Variants in CELSR2 observed in about 807,000 individuals in gnomAD.
The protein encoded by CELSR2 is EGF-like protein 2.
A neutral mutation model predicts 251.6 loss-of-function variants in CELSR2; 81 were observed. That is an observed-to-expected ratio of 0.32 (90% confidence interval 0.27 to 0.39). The LOEUF is 0.39. CELSR2 is among the 10% of genes least tolerant of loss of function. CELSR2 has a pLI of 1.00. For missense variants in CELSR2, 3,365 were observed against 3,947.7 expected (o/e 0.85, Z 3.96); for synonymous variants, 1,721 against 1,670.5 (o/e 1.03, Z -0.74).
chr1:109,270,676 T>C, intron 24 of CELSR2, 76 bp downstream of exon 24: 1 of 1,538,634 alleles, frequency 6.5e-7, no homozygotes, highest in South Asian at 1.2e-5. Context: ...TCCACCCACA[T>C]ACAGGCCCTG....
In CELSR2 at chr1:109,251,368, G is replaced by C. The variant is rs926059478; in HGVS notation, c.1289G>C (p.Ser430Thr). 1.4e-5 allele frequency: 22 copies of C among 1,613,984 alleles called. No homozygotes were observed. Among genetic ancestry groups the C allele is most frequent in the Non-Finnish European group, 1.8e-5 (21 of 1,180,040 alleles). Residue 430 changes from serine (S) to threonine (T), a missense_variant, in exon 1 of 34, where the codon AGC (serine) becomes ACC (threonine). Transcript: ENST00000271332. The surrounding 1 kb of genome is among the most constrained non-coding windows in gnomAD (Gnocchi z 4.9). The stretch of plus-strand genomic sequence containing the variant: ...ACAGCCTCGGATCGAGACAAGGGGA[G>C]CAATGCCGTGGTGCACTATAGCATC... The part of the protein sequence containing the change: ...RVTASDRDKG[S>T]NAVVHYSIMS...
At position 109,261,784 on chromosome 1, in the gene CELSR2, C is replaced by T; in HGVS notation, c.4298-24C>T. ...CATTCCTAGCCCTCGTCAGGCATTC[C>T]AGCTCACCTGGTCCTTTCCCCAGGG... On this transcript the variant is annotated intron_variant, in intron 4 of 33. Transcript: ENST00000271332. The surrounding 1 kb of genome is among the most constrained non-coding windows in gnomAD (Gnocchi z 4.8). 10 of 1,578,154 alleles carry T rather than the reference C, an allele frequency of 6.3e-6. 1 individual carries two copies. In the South Asian group the frequency reaches 1.1e-4, roughly 18 times the overall value.
At position 109,262,349 on chromosome 1, in the gene CELSR2, C is replaced by T. The variant is rs763455014; in HGVS notation, c.4449C>T (p.Thr1483=). The change falls in exon 6 of 34, where the codon ACC becomes ACT. Residue 1483 remains threonine (T), a synonymous_variant. Transcript: ENST00000271332. ...GPSEQKVAVV[T]VDGCDTGVAL... is the part of the protein sequence containing the mutation. The stretch of plus-strand genomic sequence containing the variant: ...CAGAGCAGAAGGTGGCTGTGGTGAC[C>T]GTGGATGGCTGTGACACAGGAGTGG... The T allele has an allele frequency of 6.2e-6, 10 of 1,614,044 alleles. No individual in the cohort carries two copies. The highest frequency in any genetic ancestry group is 5.3e-5 in the African/African-American group (4 of 74,924).
At position 109,250,199 on chromosome 1, in the gene CELSR2, G is replaced by A. The variant is rs1655641459; in HGVS notation, c.120G>A (p.Leu40=). The change falls in exon 1 of 34, where the codon TTG becomes TTA. Residue 40 remains leucine (L), a synonymous_variant. Coordinates refer to ENST00000271332, the MANE Select transcript of CELSR2 (RefSeq NM_001408.3). The surrounding 1 kb of genome is among the most constrained non-coding windows in gnomAD (Gnocchi z 4.4). The stretch of plus-strand genomic sequence containing the variant: ...ACCAAGTGGGGCCCTGTCGTTCCTT[G>A]GGGTCCAGGGGACGAGGCTCTTCGG... ...LGDQVGPCRS[L]GSRGRGSSGA... 2 of 1,597,726 alleles carry A rather than the reference G, an allele frequency of 1.3e-6. No homozygotes were observed. The highest frequency in any genetic ancestry group is 4.5e-5 in the East Asian group (2 of 44,688).
rs763805564 is a variant in CELSR2 at position 109,263,612 on chromosome 1, A to G, written c.4836A>G (p.Glu1612=). The G allele has an allele frequency of 3.1e-6, 5 of 1,613,634 alleles. No individual in the cohort carries two copies. The highest frequency in any genetic ancestry group is 2.2e-5 in the South Asian group (2 of 91,064). ...GTCTGCCTTTTCCTGCCTCCCCAGA[A>G]ATGGCCAATCCACAGCACTTCCTGG... ...LGFGGKSCAQ[E]MANPQHFLGS... Residue 1612 remains glutamate (E), a splice_region_variant and synonymous_variant, in exon 9 of 34, where the codon GAA becomes GAG. Coordinates refer to ENST00000271332, the MANE Select transcript of CELSR2 (RefSeq NM_001408.3).
At chr1:109,260,191 G>T (rs974511638) in intron 2 of CELSR2, among the ~76,000 whole-genome samples, 7 of 143,584 alleles carry the variant, frequency 4.9e-5, no homozygotes, top group South Asian at 2.3e-4. Context: ...GGGAGGGGGG[G>T]GGTTAGAGCA....
intron 2 of CELSR2, 49 bp from the exon 3 acceptor site, chr1:109,260,993 C>T (rs773551699): frequency 5.8e-5 from 84 of 1,458,618 alleles, no homozygotes; most frequent in Non-Finnish European, 7.3e-5. Flanking sequence ...TCTCAGTTCC[C>T]CTCCTGTCCT....
Position 109,273,840 on chromosome 1 carries a change from C to T in CELSR2, c.8744+170C>T, listed in dbSNP as rs111581425. 34 of 1,026,104 alleles carry T rather than the reference C, an allele frequency of 3.3e-5. No individual in the cohort carries two copies. The African/African-American group carries it at 4.3e-4, about 13-fold the overall frequency. The allele number at this position is 1,026,104 out of a possible 1,614,324, so 63.6% of individuals were successfully genotyped here. ...CGTGCCCACAAACCATGGTGCCTTG[C>T]GGGGAGGGCCACCCCTCCTAGGCTC... On this transcript the variant is annotated intron_variant, in intron 33 of 33. Coordinates refer to ENST00000271332, the MANE Select transcript of CELSR2 (RefSeq NM_001408.3).
chr1:109,253,466 C>T lies in CELSR2; in HGVS notation c.3310+77C>T, dbSNP rs372101320. 1.1e-3 allele frequency: 1,605 copies of T among 1,507,144 alleles called. 7 individuals are homozygous for T. In the African/African-American group the frequency reaches 0.019, roughly 18 times the overall value. 93.4% of individuals were successfully genotyped at this position (1,507,144 alleles called of 1,614,324 possible). ...CTGGGCAGCCACTGGAGGTAGGGTG[C>T]GATCCAGGAAGCAGCTACAGATCCA... is the stretch of plus-strand genomic sequence containing the variant. On this transcript the variant is annotated intron_variant, in intron 1 of 33. Coordinates refer to ENST00000271332, the MANE Select transcript of CELSR2 (RefSeq NM_001408.3).
intron 26 of CELSR2, 32 bp downstream of exon 26, chr1:109,271,328 G>A (rs765162029): frequency 6.2e-7 from 1 of 1,613,756 alleles, no homozygotes; most frequent in Non-Finnish European, 8.5e-7. Context: ...CTGGGCCATG[G>A]GCAGGCACCA....
intron 1 of CELSR2, among the ~76,000 whole-genome samples, chr1:109,257,421 T>G (rs563997369): frequency 6.6e-6 from 1 of 152,254 alleles, no homozygotes; most frequent in Admixed American, 6.5e-5. Flanking sequence ...GGCCCCAGCT[T>G]TCATTTTTTA....
rs948895941 is a variant in CELSR2 at position 109,265,178 on chromosome 1, T to A, written c.5607-13T>A. Reference sequence around the variant, plus strand: ...CAGGGGGAGCTCATGCCTACCTGGGTCCCTCTCTGCAGGATTGACCAGCCT... The same window carrying A: ...CAGGGGGAGCTCATGCCTACCTGGGACCCTCTCTGCAGGATTGACCAGCCT... On this transcript the variant is annotated splice_polypyrimidine_tract_variant and intron_variant, in intron 12 of 33. Coordinates refer to ENST00000271332, the MANE Select transcript of CELSR2 (RefSeq NM_001408.3). The A allele has an allele frequency of 6.3e-7, 1 of 1,584,344 alleles. No individual in the cohort carries two copies. Among genetic ancestry groups the A allele is most frequent in the Non-Finnish European group, 8.6e-7 (1 of 1,163,518 alleles).
In CELSR2 at chr1:109,261,589, G is replaced by C; in HGVS notation, c.4258G>C (p.Glu1420Gln). ...TGAGAAGCATGACTTTGTGGCCCTC[G>C]AGGTGATCCAGGAGCAGGTCCAGCT... ...FNEKHDFVAL[E>Q]VIQEQVQLTF... is the part of the protein sequence containing the mutation. Residue 1420 changes from glutamate to glutamine, a missense_variant, in exon 4 of 34, where the codon GAG (glutamate) becomes CAG (glutamine). Glu to Gln is a conservative substitution (Grantham distance 29, BLOSUM62 2). This residue lies in a region of CELSR2 where 2,093 missense variants were observed against 2,382.8 expected (regional missense o/e 0.88). Coordinates refer to ENST00000271332, the MANE Select transcript of CELSR2 (RefSeq NM_001408.3). The surrounding 1 kb of genome is among the most constrained non-coding windows in gnomAD (Gnocchi z 4.8). The C allele has an allele frequency of 3.1e-6, 5 of 1,614,148 alleles. No individual in the cohort carries two copies. The highest frequency in any genetic ancestry group is 2.2e-5 in the South Asian group (2 of 91,080).
Position 109,274,517 on chromosome 1 carries a change from C to T in CELSR2, c.*468C>T, listed in dbSNP as rs899373738. On this transcript the variant is annotated 3_prime_UTR_variant, in exon 34 of 34. Transcript: ENST00000271332. The stretch of plus-strand genomic sequence containing the variant: ...CCTGGGGGGCCTGCCCCTCATACGC[C>T]ATCACCAAAAGGAAAGGACAAAGCC... 2 of 189,376 alleles carry T rather than the reference C, an allele frequency of 1.1e-5. No individual in the cohort carries two copies. Among genetic ancestry groups the T allele is most frequent in the African/African-American group, 4.7e-5 (2 of 42,348 alleles). 11.7% of individuals were successfully genotyped at this position (189,376 alleles called of 1,614,324 possible). A position where few individuals can be genotyped will look rare whatever the true frequency, so the allele number is the denominator to read the frequency against.
chr1:109,257,324 G>A (rs1655875319), intron 1 of CELSR2, among the ~76,000 whole-genome samples: 2 of 149,700 alleles, frequency 1.3e-5, no homozygotes, highest in Admixed American at 1.3e-4. Flanking sequence ...CTGCTCTCCA[G>A]TGTAGGCGAC....
rs1656115248 is a variant in CELSR2, at chr1:109,264,089, C to A, written c.5013C>A (p.Gly1671=). 1.3e-6 allele frequency: 2 copies of A among 1,579,042 alleles called. No individual in the cohort carries two copies. Among genetic ancestry groups the A allele is most frequent in the Admixed American group, 1.7e-5 (1 of 58,380 alleles). ...CCTCCTGGTGTCAGCTACGAGAGGG[C>A]CACGTGATGCTGAGCGTGGAGGGCA... ...RSTITLQLRE[G]HVMLSVEGTG... Residue 1671 remains glycine, a synonymous_variant, in exon 10 of 34, where the codon GGC becomes GGA. Transcript: ENST00000271332.
At position 109,272,309 on chromosome 1, in the gene CELSR2, G is replaced by C. The variant is rs1022108188; in HGVS notation, c.7958G>C (p.Gly2653Ala). The C allele has an allele frequency of 3.7e-6, 6 of 1,608,664 alleles. No individual in the cohort carries two copies. The African/African-American group carries it at 8.0e-5, about 21-fold the overall frequency. ...SYNCPSPYAD[G>A]RLYQPYGDSA... ...AACTGCCCCAGCCCCTACGCAGATGGGCGGCTGTACCAGCCCTACGGAGAC... is the reference window on the plus strand; with the variant it reads ...AACTGCCCCAGCCCCTACGCAGATGCGCGGCTGTACCAGCCCTACGGAGAC... Residue 2653 changes from glycine to alanine, a missense_variant, in exon 29 of 34, where the codon GGG (glycine) becomes GCG (alanine). Gly to Ala is a moderately conservative substitution (Grantham distance 60, BLOSUM62 0). Around this residue, in one of 5 missense-constraint regions of CELSR2, gnomAD observed 2,093 missense variants for 2,382.8 expected, o/e 0.88. Coordinates refer to ENST00000271332, the MANE Select transcript of CELSR2 (RefSeq NM_001408.3).
At chr1:109,268,544 G>A in intron 17 of CELSR2, 37 bp from the exon 18 acceptor site, 10 of 1,571,364 alleles carry the variant, frequency 6.4e-6, no homozygotes, top group Non-Finnish European at 8.7e-6. Context: ...TCAGGTGTGG[G>A]TTGTGAGCAC....
chr1:109,270,787 G>A, intron 24 of CELSR2, 140 bp from the exon 25 acceptor site: 1 of 992,654 alleles, frequency 1.0e-6, no homozygotes, highest in Non-Finnish European at 1.5e-6. Context: ...CCCTTATCCT[G>A]GGGAGATCGG....
Sources: gnomAD v4.1 joint callset for allele counts (sites outside exome capture counted in the v4.1 genomes callset) on GRCh38, gnomAD v4.1.1 for gene constraint, gnomAD v4.1.1 regional missense constraint, Gnocchi (gnomAD v3.1) non-coding constraint, MANE v1.5 for transcripts, NCBI Gene and HGNC (gene_info 2026-07-23, HGNC 2026-07-21) for gene names.